Variants in ITPK1 observed in about 807,000 individuals in gnomAD.
The protein encoded by ITPK1 is inositol 1,3,4-trisphosphate 5/6-kinase.
Under a neutral mutation model 45.3 loss-of-function variants are expected in ITPK1, and 21 were observed. The ratio of observed to expected loss-of-function variants is 0.46; its 90% CI spans 0.33 to 0.67. The LOEUF (loss-of-function observed/expected upper bound fraction) is 0.67, where lower values mean the gene tolerates loss of function less well. Ranked by LOEUF, ITPK1 falls within the 30% of genes least tolerant of loss-of-function variation. The pLI, the probability that ITPK1 is intolerant of heterozygous loss-of-function variation, is 0.02. For missense variants in ITPK1, 474 were observed against 573.5 expected, an observed-to-expected ratio of 0.83 and a Z score of 1.77; for synonymous variants, 258 against 253.6, an observed-to-expected ratio of 1.02 and a Z score of -0.16.
In ITPK1 at chr14:93,111,860, G is replaced by A. The variant is rs558260726; in HGVS notation, c.95+3209C>T. ...AGGGGAAGAAACAGGATGGCAACAG[G>A]AACAAACAGTACCACTGACAAACAA... On this transcript the variant is annotated intron_variant, in intron 2 of 10. Coordinates refer to ENST00000267615, the MANE Select transcript of ITPK1 (RefSeq NM_014216.6). Among the ~76,000 whole-genome samples, 8 of 152,180 alleles carry A rather than the reference G, an allele frequency of 5.3e-5. No individual in the cohort carries two copies. The East Asian group carries it at 1.5e-3, about 29-fold the overall frequency.
intron 3 of ITPK1, among the ~76,000 whole-genome samples, chr14:93,019,556 G>A (rs986061359): frequency 1.3e-5 from 2 of 152,230 alleles, no homozygotes; most frequent in African/African-American, 2.4e-5. Flanking sequence ...GCTCTCGGGT[G>A]CGGCCGCCTC....
At chr14:93,019,065 A>C (rs539249656) in intron 3 of ITPK1, among the ~76,000 whole-genome samples, 193 of 152,382 alleles carry the variant, frequency 1.3e-3, no homozygotes, top group African/African-American at 4.5e-3. Flanking sequence ...GGCCATGGGC[A>C]GAGAACACTG....
At position 93,076,721 on chromosome 14, in the gene ITPK1, T is replaced by C; in HGVS notation, c.96-102A>G. 7.1e-6 allele frequency: 10 copies of C among 1,418,122 alleles called. No individual in the cohort carries two copies. The highest frequency in any genetic ancestry group is 9.0e-6 in the Non-Finnish European group (9 of 1,004,652). The allele number at this position is 1,418,122 out of a possible 1,614,324, so 87.8% of individuals were successfully genotyped here. A position where few individuals can be genotyped will look rare whatever the true frequency, so the allele number is the denominator to read the frequency against. On this transcript the variant is annotated intron_variant, in intron 2 of 10. Coordinates refer to ENST00000267615, the MANE Select transcript of ITPK1 (RefSeq NM_014216.6). This position sits in a 1 kb window ranked among gnomAD's most constrained non-coding sequence, Gnocchi z 4.3. ...GCTGAGGGCAGGACCATGAGAGGGTTTCAGGAGGGAGCCGGCAGCTGCGCC... is the reference window on the plus strand; with the variant it reads ...GCTGAGGGCAGGACCATGAGAGGGTCTCAGGAGGGAGCCGGCAGCTGCGCC...
chr14:92,961,803 G>A (rs1156893377), intron 7 of ITPK1, among the ~76,000 whole-genome samples: 1 of 152,230 alleles, frequency 6.6e-6, no homozygotes, highest in African/African-American at 2.4e-5. Context: ...CCTTTGGGAG[G>A]TCTTGAGGGC....
chr14:92,982,643 C>T (rs77040206), intron 5 of ITPK1, among the ~76,000 whole-genome samples: 2,432 of 152,322 alleles, frequency 0.016, 77 homozygotes, highest in African/African-American at 0.056. Context: ...ACCATGCGGG[C>T]TTCTGACCCA....
At chr14:93,052,746 C>G (rs1027411492) in intron 3 of ITPK1, among the ~76,000 whole-genome samples, 1 of 152,180 alleles carries the variant, frequency 6.6e-6, no homozygotes, top group Non-Finnish European at 1.5e-5. Flanking sequence ...GCTGGTGGTA[C>G]AGGAAACAGC....
chr14:92,958,676 G>A lies in ITPK1; in HGVS notation c.505-310C>T, dbSNP rs1442757460. 6.6e-6 allele frequency among the ~76,000 whole-genome samples: 1 copy of A among 152,208 alleles called. No homozygotes were observed. The highest frequency in any genetic ancestry group is 2.4e-5 in the African/African-American group (1 of 41,452). On this transcript the variant is annotated intron_variant, in intron 7 of 10. Transcript: ENST00000267615. This position sits in a 1 kb window ranked among gnomAD's most constrained non-coding sequence, Gnocchi z 4.4. ...ACCACTTGTCGCACTGTGGTCCAGG[G>A]AAGGGGGCCGCTGAGGTTGTGTGCT...
Position 92,938,480 on chromosome 14 carries a change from A to G in ITPK1, c.*3081T>C. 1 of 1,611,700 alleles carries G rather than the reference A, an allele frequency of 6.2e-7. No individual in the cohort carries two copies. Among genetic ancestry groups the G allele is most frequent in the Non-Finnish European group, 8.5e-7 (1 of 1,177,840 alleles). ...TGGCTCAAACATGTGACAGCTTCCTACTTCAGTCGGTCTTCCAGCCTTCTA... is the reference window on the plus strand; with the variant it reads ...TGGCTCAAACATGTGACAGCTTCCTGCTTCAGTCGGTCTTCCAGCCTTCTA... On this transcript the variant is annotated 3_prime_UTR_variant, in exon 11 of 11. Transcript: ENST00000267615.
intron 4 of ITPK1, among the ~76,000 whole-genome samples, chr14:93,010,727 A>G (rs1887846750): frequency 1.3e-5 from 2 of 152,212 alleles, no homozygotes; most frequent in African/African-American, 4.8e-5. Context: ...CACTGTAATA[A>G]TAATATTGAC....
At position 92,940,660 on chromosome 14, in the gene ITPK1, G is replaced by A. The variant is rs1300315437; in HGVS notation, c.*901C>T. 3.2e-6 allele frequency: 4 copies of A among 1,263,636 alleles called. No individual in the cohort carries two copies. The highest frequency in any genetic ancestry group is 4.1e-6 in the Non-Finnish European group (4 of 976,248). 78.3% of individuals were successfully genotyped at this position (1,263,636 alleles called of 1,614,324 possible). On this transcript the variant is annotated 3_prime_UTR_variant, in exon 11 of 11. Transcript: ENST00000267615. ...TGGAAAGGCAGGCTGCATCCCAGGGGTTAGGGCACAAAGCCAGCCCTGTGG... is the reference window on the plus strand; with the variant it reads ...TGGAAAGGCAGGCTGCATCCCAGGGATTAGGGCACAAAGCCAGCCCTGTGG...
At chr14:93,108,875 T>G (rs1471893141) in intron 2 of ITPK1, among the ~76,000 whole-genome samples, 1 of 152,108 alleles carries the variant, frequency 6.6e-6, no homozygotes, top group African/African-American at 2.4e-5. Context: ...TAGCCAGGTG[T>G]GGTGGTGCAT....
At chr14:92,959,250 G>A (rs996705489) in intron 7 of ITPK1, among the ~76,000 whole-genome samples, 39 of 152,358 alleles carry the variant, frequency 2.6e-4, no homozygotes, top group African/African-American at 9.1e-4. Context: ...CGATCCAGCT[G>A]CTGGTGCCAG....
At chr14:93,042,886 C>T (rs138353571) in intron 3 of ITPK1, among the ~76,000 whole-genome samples, 2 of 152,138 alleles carry the variant, frequency 1.3e-5, no homozygotes, top group East Asian at 1.9e-4. Flanking sequence ...GGCATGGTGG[C>T]GTGCACCTGC....
In ITPK1 at chr14:92,941,474, C is replaced by A; in HGVS notation, c.*87G>T. 7.0e-7 allele frequency: 1 copy of A among 1,438,712 alleles called. No individual in the cohort carries two copies. Among genetic ancestry groups the A allele is most frequent in the South Asian group, 1.4e-5 (1 of 71,058 alleles). 89.1% of individuals were successfully genotyped at this position (1,438,712 alleles called of 1,614,324 possible). On this transcript the variant is annotated 3_prime_UTR_variant, in exon 11 of 11. Transcript: ENST00000267615. ...CAGAAGAATCAGATCACTGGGGATT[C>A]TTAGTAGTAGCATCGCCGTTGGGAG...
chr14:93,105,710 T>G (rs887446121), intron 2 of ITPK1, among the ~76,000 whole-genome samples: 1 of 150,022 alleles, frequency 6.7e-6, no homozygotes, highest in African/African-American at 2.4e-5. Flanking sequence ...GGGTTTTTTT[T>G]TTTTTTTTTT....
intron 10 of ITPK1, 138 bp from the exon 11 acceptor site, chr14:92,942,042 C>T (rs900805872): frequency 3.8e-5 from 29 of 757,112 alleles, no homozygotes; most frequent in African/African-American, 7.2e-5. Context: ...ACAGAGAAAA[C>T]GTGAGGCTCA....
At chr14:93,009,533 A>G (rs901051538) in intron 4 of ITPK1, among the ~76,000 whole-genome samples, 6 of 152,306 alleles carry the variant, frequency 3.9e-5, no homozygotes, top group Middle Eastern at 3.4e-3. Flanking sequence ...ACGGCACAGA[A>G]TGGTCCCACC....
Position 92,938,702 on chromosome 14 carries a change from C to T in ITPK1, c.*2859G>A, listed in dbSNP as rs575491658. The T allele has an allele frequency of 2.0e-4, 125 of 623,282 alleles. No individual in the cohort carries two copies. The highest frequency in any genetic ancestry group is 3.4e-4 in the Non-Finnish European group (119 of 347,202). 38.6% of individuals were successfully genotyped at this position (623,282 alleles called of 1,614,324 possible). A position where few individuals can be genotyped will look rare whatever the true frequency, so the allele number is the denominator to read the frequency against. On this transcript the variant is annotated 3_prime_UTR_variant, in exon 11 of 11. Coordinates refer to ENST00000267615, the MANE Select transcript of ITPK1 (RefSeq NM_014216.6). ...CCAGCCCACCCACCACGTGTGGACC[C>T]AGACACCTCCATGACACCAAGGGCA...
chr14:93,043,091 C>T (rs1055980960), intron 3 of ITPK1, among the ~76,000 whole-genome samples: 1 of 133,700 alleles, frequency 7.5e-6, no homozygotes, highest in African/African-American at 2.8e-5. Flanking sequence ...ACTGCCAGCT[C>T]CCCACCGAGG....
Sources: gnomAD v4.1 joint callset for allele counts (sites outside exome capture counted in the v4.1 genomes callset) on GRCh38, gnomAD v4.1.1 for gene constraint, Gnocchi (gnomAD v3.1) non-coding constraint, MANE v1.5 for transcripts, NCBI Gene and HGNC (gene_info 2026-07-23, HGNC 2026-07-21) for gene names.